KDM4C: variants seen among roughly 807,000 people sequenced by gnomAD.
KDM4C encodes the protein lysine-specific demethylase 4C.
KDM4C carries 81 observed loss-of-function variants against 129.3 expected under a neutral mutation model. That is an observed-to-expected ratio of 0.63 (90% CI 0.52 to 0.75). The LOEUF (loss-of-function observed/expected upper bound fraction) is 0.75. Ranked by LOEUF, KDM4C falls within the 30% of genes least tolerant of loss-of-function variation. The pLI, the probability that KDM4C is intolerant of heterozygous loss-of-function variation, is 0.00. For missense variants in KDM4C, 1,457 were observed against 1,304.0 expected (o/e 1.12, Z -1.81); for synonymous variants, 573 against 456.1 (o/e 1.26, Z -3.26).
At chr9:6,767,553 G>A (rs1820886436) in intron 1 of KDM4C, among the ~76,000 whole-genome samples, 1 of 152,026 alleles carries the variant, frequency 6.6e-6, no homozygotes, top group Non-Finnish European at 1.5e-5. Context: ...TTCTGCCTCA[G>A]TCTCCCGAGT....
At chr9:7,093,034 A>G (rs1426989673) in intron 17 of KDM4C, among the ~76,000 whole-genome samples, 2 of 152,180 alleles carry the variant, frequency 1.3e-5, no homozygotes, top group East Asian at 3.9e-4. Context: ...CTCTTTGGCT[A>G]AAGAGTTAAT....
At chr9:7,091,535 T>C (rs1263462184) in intron 17 of KDM4C, among the ~76,000 whole-genome samples, 1 of 152,226 alleles carries the variant, frequency 6.6e-6, no homozygotes, top group Non-Finnish European at 1.5e-5. Context: ...TCTTATCTTT[T>C]GTTGAGAGTT....
intron 8 of KDM4C, among the ~76,000 whole-genome samples, chr9:6,923,690 AAAT>A (rs1441591512): frequency 6.6e-6 from 1 of 152,194 alleles, no homozygotes; most frequent in African/African-American, 2.4e-5. Context: ...AATGACCAAA[AAAT>A]AAGTCATTAA....
At chr9:6,777,208 T>C (rs1306519077) in intron 1 of KDM4C, among the ~76,000 whole-genome samples, 3 of 152,208 alleles carry the variant, frequency 2.0e-5, no homozygotes, top group African/African-American at 7.2e-5. Context: ...ATTAATATTA[T>C]ACTTTTGGTG....
chr9:6,947,228 C>G (rs1163156494), intron 8 of KDM4C, among the ~76,000 whole-genome samples: 2 of 152,100 alleles, frequency 1.3e-5, no homozygotes, highest in African/African-American at 2.4e-5. Flanking sequence ...TTTTTGTACT[C>G]TAAATAGCTC....
intron 8 of KDM4C, among the ~76,000 whole-genome samples, chr9:6,958,681 T>C (rs1718054134): frequency 8.1e-6 from 1 of 122,822 alleles, no homozygotes; most frequent in Non-Finnish European, 1.6e-5. Flanking sequence ...TGCCTTTCTT[T>C]ATATGATTTT....
chr9:7,022,000 T>C (rs138142969), intron 15 of KDM4C, among the ~76,000 whole-genome samples: 2 of 152,334 alleles, frequency 1.3e-5, no homozygotes, highest in African/African-American at 4.8e-5. Flanking sequence ...CTCTATTCTC[T>C]TCCACTGATC....
chr9:6,876,967 C>G (rs1588881996), intron 5 of KDM4C, among the ~76,000 whole-genome samples: 1 of 152,132 alleles, frequency 6.6e-6, no homozygotes, highest in African/African-American at 2.4e-5. Context: ...AGCAGAGGTT[C>G]TTAGATATGG....
chr9:6,771,279 C>G (rs1389505091), intron 1 of KDM4C, among the ~76,000 whole-genome samples: 1 of 150,846 alleles, frequency 6.6e-6, no homozygotes, highest in Non-Finnish European at 1.5e-5. Flanking sequence ...ATTAAATTGT[C>G]TTGAAATATG....
At chr9:6,721,054 C>T (rs1816930317) in intron 1 of KDM4C, 1 of 1,424,058 alleles carries the variant, frequency 7.0e-7, no homozygotes. Flanking sequence ...GTGGTTCTGT[C>T]ACACTTAAAG....
intron 8 of KDM4C, among the ~76,000 whole-genome samples, chr9:6,963,785 G>T (rs1373871784): frequency 1.3e-5 from 2 of 152,094 alleles, no homozygotes; most frequent in African/African-American, 2.4e-5. Context: ...CTACCTCAAG[G>T]CCCCTAACAG....
At chr9:6,742,244 G>A (rs1169004456) in intron 1 of KDM4C, among the ~76,000 whole-genome samples, 1 of 150,628 alleles carries the variant, frequency 6.6e-6, no homozygotes, top group Non-Finnish European at 1.5e-5. Context: ...TCGAACTCCT[G>A]ACCTCGTCAT....
intron 8 of KDM4C, among the ~76,000 whole-genome samples, chr9:6,955,848 G>T (rs1413754504): frequency 6.6e-6 from 1 of 152,178 alleles, no homozygotes; most frequent in Non-Finnish European, 1.5e-5. Flanking sequence ...GGAACACAGT[G>T]ACGCTTTGTC....
At chr9:7,128,670 A>G (rs930266645) in intron 19 of KDM4C, among the ~76,000 whole-genome samples, 2 of 152,226 alleles carry the variant, frequency 1.3e-5, no homozygotes, top group African/African-American at 2.4e-5. Context: ...TCGACAGTGT[A>G]TTTAAATCTT....
At chr9:6,871,780 A>C (rs1842851833) in intron 5 of KDM4C, among the ~76,000 whole-genome samples, 1 of 152,254 alleles carries the variant, frequency 6.6e-6, no homozygotes, top group Admixed American at 6.5e-5. Context: ...TACAAGGTAG[A>C]TGAAAATGGA....
intron 1 of KDM4C, among the ~76,000 whole-genome samples, chr9:6,752,050 A>AACAGGTAAAACAAAAAAT: frequency 1.7e-4 from 26 of 151,566 alleles, no homozygotes; most frequent in African/African-American, 5.6e-4. Context: ...ATTAAGGAGG[A>AACAGGTAAAACAAAAAAT]TGGCCGGGCG....
intron 15 of KDM4C, among the ~76,000 whole-genome samples, chr9:7,023,009 G>T (rs190450137): frequency 6.6e-6 from 1 of 152,306 alleles, no homozygotes; most frequent in Admixed American, 6.5e-5. Flanking sequence ...ACTTGGTCAT[G>T]ATGAATGATC....
At chr9:7,172,211 A>C (rs564769428) in intron 21 of KDM4C, among the ~76,000 whole-genome samples, 4 of 152,268 alleles carry the variant, frequency 2.6e-5, no homozygotes, top group African/African-American at 7.2e-5. Context: ...TTGTATTTTA[A>C]TGACTTCGGC....
At chr9:6,842,497 G>C (rs1181007439) in intron 4 of KDM4C, among the ~76,000 whole-genome samples, 1 of 151,584 alleles carries the variant, frequency 6.6e-6, no homozygotes, top group African/African-American at 2.4e-5. Flanking sequence ...ACCACGCCTG[G>C]CTAATTTTTT....
Sources: allele counts gnomAD v4.1 joint callset (sites outside exome capture counted in the v4.1 genomes callset), GRCh38; gene constraint gnomAD v4.1.1; transcripts MANE v1.5; gene names NCBI Gene and HGNC (gene_info 2026-07-23, HGNC 2026-07-21).